The following FCRLA variants were observed in gnomAD, a reference collection of about 807,000 sequenced individuals.
FCRLA encodes the protein Fc receptor-like A.
A neutral mutation model predicts 28.4 loss-of-function variants in FCRLA; 26 were observed. The observed-to-expected ratio is 0.91, with a 90% CI of 0.67 to 1.27. The LOEUF (loss-of-function observed/expected upper bound fraction) is 1.27, where lower values mean the gene tolerates loss of function less well. Ranked by LOEUF, FCRLA falls within the 50% of genes most tolerant of loss-of-function variation. The pLI is 0.00. For missense variants in FCRLA, 422 were observed against 433.1 expected (o/e 0.97, Z 0.23); for synonymous variants, 174 against 168.5 (o/e 1.03, Z -0.25).
chr1:161,710,625 A>T, intron 1 of FCRLA, 135 bp from the exon 2 acceptor site: 1 of 1,367,602 alleles, frequency 7.3e-7, no homozygotes, highest in Non-Finnish European at 1.0e-6. Flanking sequence ...GTCTTTCCGA[A>T]AAAAAAAAAG....
rs556056342 is a variant in FCRLA at position 161,714,264 on chromosome 1, G to C, written c.*884G>C. 46 of 152,322 alleles carry C rather than the reference G, an allele frequency of 3.0e-4. No homozygotes were observed. The highest frequency in any genetic ancestry group is 9.6e-4 in the African/African-American group (40 of 41,560). The allele number at this position is 152,322 out of a possible 1,614,324, so 9.4% of individuals were successfully genotyped here. On this transcript the variant is annotated 3_prime_UTR_variant, in exon 5 of 5. Transcript: ENST00000236938. ...CATGTATGAGAACCAAAAAACAGCT[G>C]TCGCCAAACACCGACTCTGTCGTTG... is the stretch of plus-strand genomic sequence containing the variant.
Position 161,711,205 on chromosome 1 carries a change from T to C in FCRLA, c.233-3T>C. The C allele has an allele frequency of 2.5e-6, 4 of 1,610,940 alleles. No individual in the cohort carries two copies. Among genetic ancestry groups the C allele is most frequent in the Non-Finnish European group, 1.7e-6 (2 of 1,178,106 alleles). On this transcript the variant is annotated splice_polypyrimidine_tract_variant and splice_region_variant and intron_variant, in intron 2 of 4. Coordinates refer to ENST00000236938, the MANE Select transcript of FCRLA (RefSeq NM_032738.4). Reference sequence around the variant, plus strand: ...GACACTCAGCTCTTTCTCTGGACCATAGACTGGCTGATCCTCCAAGGTCCA... The same window carrying C: ...GACACTCAGCTCTTTCTCTGGACCACAGACTGGCTGATCCTCCAAGGTCCA...
intron 1 of FCRLA, 167 bp from the exon 2 acceptor site, chr1:161,710,593 T>C (rs1683042852): frequency 7.1e-7 from 1 of 1,412,678 alleles, no homozygotes; most frequent in African/African-American, 1.4e-5. Flanking sequence ...GTCAAAACTA[T>C]CCCCCTGAGA....
At position 161,710,897 on chromosome 1, in the gene FCRLA, C is replaced by A; in HGVS notation, c.217C>A (p.Leu73Met). The A allele has an allele frequency of 6.2e-7, 1 of 1,613,132 alleles. No individual in the cohort carries two copies. Among genetic ancestry groups the A allele is most frequent in the Non-Finnish European group, 8.5e-7 (1 of 1,180,010 alleles). Residue 73 changes from leucine to methionine, a missense_variant, in exon 2 of 5, where the codon CTG becomes ATG. This residue lies in a region of FCRLA where 231 missense variants were observed against 214.6 expected (regional missense o/e 1.08). Transcript: ENST00000236938. ...KAYTFSEPFHLIVSYDWLILQ... is the reference protein window; with the variant it reads ...KAYTFSEPFHMIVSYDWLILQ... ...CTACACTTTCAGTGAACCCTTCCAC[C>A]TGATTGTGTCCTATGGTGAGGTCCT...
In FCRLA at chr1:161,710,491, C is replaced by T. The variant is rs766531606; in HGVS notation, c.80-269C>T. On this transcript the variant is annotated intron_variant, in intron 1 of 4. Transcript: ENST00000236938. Reference sequence around the variant, plus strand: ...CCGTACCAGCAGCTGGATGTCATGCCGGTGAGTTTCACCATTCTTTCATTC... The same window carrying T: ...CCGTACCAGCAGCTGGATGTCATGCTGGTGAGTTTCACCATTCTTTCATTC... 16 of 1,550,624 alleles carry T rather than the reference C, an allele frequency of 1.0e-5. No individual in the cohort carries two copies. In the Admixed American group the frequency reaches 1.2e-4, roughly 11 times the overall value.
At chr1:161,710,621 C>T in intron 1 of FCRLA, 139 bp from the exon 2 acceptor site, 6 of 1,415,240 alleles carry the variant, frequency 4.2e-6, no homozygotes, top group Non-Finnish European at 4.9e-6. Context: ...AGGGGTCTTT[C>T]CGAAAAAAAA....
chr1:161,712,233 GA>G lies in FCRLA; in HGVS notation c.784+16del. The G allele has an allele frequency of 1.2e-6, 2 of 1,603,176 alleles. No homozygotes were observed. The highest frequency in any genetic ancestry group is 1.1e-5 in the South Asian group (1 of 89,786). On this transcript the variant is annotated intron_variant, in intron 4 of 4. Coordinates refer to ENST00000236938, the MANE Select transcript of FCRLA (RefSeq NM_032738.4). ...CAGAGTGCAGGGTGAGTTCGCATCA[GA>G]GTGCAGGTTGTCTGTTTGGCATGCG...
chr1:161,709,412 A>C (rs1211857070), intron 1 of FCRLA, among the ~76,000 whole-genome samples: 1 of 152,212 alleles, frequency 6.6e-6, no homozygotes, highest in African/African-American at 2.4e-5. Flanking sequence ...GATTATAAGC[A>C]TGAGCCACCA....
In FCRLA at chr1:161,713,443, C is replaced by T; in HGVS notation, c.*63C>T. ...CAATAAATCTGATTCTTTATTTTCT[C>T]TTCCTGTCCTGCACATATGCATAAG... On this transcript the variant is annotated 3_prime_UTR_variant, in exon 5 of 5. Coordinates refer to ENST00000236938, the MANE Select transcript of FCRLA (RefSeq NM_032738.4). 1 of 1,381,666 alleles carries T rather than the reference C, an allele frequency of 7.2e-7. No homozygotes were observed. Among genetic ancestry groups the T allele is most frequent in the Non-Finnish European group, 1.0e-6 (1 of 1,001,296 alleles). 85.6% of individuals were successfully genotyped at this position (1,381,666 alleles called of 1,614,324 possible). A position where few individuals can be genotyped will look rare whatever the true frequency, so the allele number is the denominator to read the frequency against.
intron 1 of FCRLA, chr1:161,710,313 C>T (rs773433997): frequency 7.8e-5 from 51 of 652,364 alleles, no homozygotes. Context: ...GATAAAGTCA[C>T]CTACCTGGAA....
At chr1:161,709,196 C>T (rs1682974157) in intron 1 of FCRLA, among the ~76,000 whole-genome samples, 1 of 152,124 alleles carries the variant, frequency 6.6e-6, no homozygotes, top group African/African-American at 2.4e-5. Context: ...GGTGCAATCA[C>T]TGCTCACTGC....
chr1:161,714,310 C>T lies in FCRLA; in HGVS notation c.*930C>T, dbSNP rs965550767. On this transcript the variant is annotated 3_prime_UTR_variant, in exon 5 of 5. Coordinates refer to ENST00000236938, the MANE Select transcript of FCRLA (RefSeq NM_032738.4). The stretch of plus-strand genomic sequence containing the variant: ...CGTTGCCTTGATCTTGAACTTCCAG[C>T]CTCCAGAACTATGAGAAATAAAATT... 1.3e-5 allele frequency: 2 copies of T among 152,330 alleles called. No individual in the cohort carries two copies. Among genetic ancestry groups the T allele is most frequent in the African/African-American group, 4.8e-5 (2 of 41,458 alleles). The allele number at this position is 152,330 out of a possible 1,614,324, so 9.4% of individuals were successfully genotyped here. A position where few individuals can be genotyped will look rare whatever the true frequency, so the allele number is the denominator to read the frequency against.
At chr1:161,712,240 G>C (rs1389755222) in intron 4 of FCRLA, 22 bp downstream of exon 4, 2 of 1,598,028 alleles carry the variant, frequency 1.3e-6, no homozygotes, top group Non-Finnish European at 1.7e-6. Context: ...TCAGAGTGCA[G>C]GTTGTCTGTT....
Position 161,712,229 on chromosome 1 carries a change from A to G in FCRLA, c.784+11A>G. On this transcript the variant is annotated intron_variant, in intron 4 of 4. Coordinates refer to ENST00000236938, the MANE Select transcript of FCRLA (RefSeq NM_032738.4). ...AGATCAGAGTGCAGGGTGAGTTCGCATCAGAGTGCAGGTTGTCTGTTTGGC... is the reference window on the plus strand; with the variant it reads ...AGATCAGAGTGCAGGGTGAGTTCGCGTCAGAGTGCAGGTTGTCTGTTTGGC... 6.2e-7 allele frequency: 1 copy of G among 1,605,526 alleles called. No homozygotes were observed. Among genetic ancestry groups the G allele is most frequent in the South Asian group, 1.1e-5 (1 of 90,106 alleles).
chr1:161,711,096 A>G, intron 2 of FCRLA, 112 bp from the exon 3 acceptor site: 1 of 1,470,486 alleles, frequency 6.8e-7, no homozygotes, highest in Non-Finnish European at 9.2e-7. Context: ...ACTCCCAACC[A>G]GGGGTGAGAG....
rs73015450 is a variant in FCRLA, at chr1:161,710,190, G to A, written c.80-570G>A. On this transcript the variant is annotated intron_variant, in intron 1 of 4. Coordinates refer to ENST00000236938, the MANE Select transcript of FCRLA (RefSeq NM_032738.4). ...TGCACAGTGAAGTAAAAAGAACATT[G>A]ATTTTGGACTCAGACACACCTGCCT... 4,268 of 483,058 alleles carry A rather than the reference G, an allele frequency of 8.8e-3. 132 individuals carry two copies. Among genetic ancestry groups the A allele is most frequent in the African/African-American group, 0.074 (3,831 of 51,518 alleles). The allele number at this position is 483,058 out of a possible 1,614,324, so 29.9% of individuals were successfully genotyped here.
intron 1 of FCRLA, among the ~76,000 whole-genome samples, chr1:161,708,539 G>A (rs1682943086): frequency 6.6e-6 from 1 of 152,166 alleles, no homozygotes; most frequent in Admixed American, 6.5e-5. Flanking sequence ...TGGCACAAAA[G>A]GCCAAGCAGC....
rs1683215772 is a variant in FCRLA at position 161,713,515 on chromosome 1, G to A, written c.*135G>A. On this transcript the variant is annotated 3_prime_UTR_variant, in exon 5 of 5. Coordinates refer to ENST00000236938, the MANE Select transcript of FCRLA (RefSeq NM_032738.4). ...TGTTTTGTTAGAATAATGTAGTTAGGTGAGTGTAAATAAATTTATATAAAG... is the reference window on the plus strand; with the variant it reads ...TGTTTTGTTAGAATAATGTAGTTAGATGAGTGTAAATAAATTTATATAAAG... 3 of 689,912 alleles carry A rather than the reference G, an allele frequency of 4.3e-6. No individual in the cohort carries two copies. Among genetic ancestry groups the A allele is most frequent in the African/African-American group, 1.8e-5 (1 of 55,612 alleles). The allele number at this position is 689,912 out of a possible 1,614,324, so 42.7% of individuals were successfully genotyped here. A position where few individuals can be genotyped will look rare whatever the true frequency, so the allele number is the denominator to read the frequency against.
chr1:161,708,503 A>G (rs1449860549), intron 1 of FCRLA, among the ~76,000 whole-genome samples: 1 of 152,224 alleles, frequency 6.6e-6, no homozygotes, highest in Non-Finnish European at 1.5e-5. Flanking sequence ...CTAAAACTCA[A>G]GTTTACCAGC....
Sources: gnomAD v4.1 joint callset for allele counts (sites outside exome capture counted in the v4.1 genomes callset) on GRCh38, gnomAD v4.1.1 for gene constraint, gnomAD v4.1.1 regional missense constraint, MANE v1.5 for transcripts, NCBI Gene and HGNC (gene_info 2026-07-23, HGNC 2026-07-21) for gene names.